The following ROR2 variants were observed in gnomAD, a reference collection of about 807,000 sequenced individuals.
The protein encoded by ROR2 is ROR family WNT receptor 2.
A neutral mutation model predicts 74.9 loss-of-function variants in ROR2; 33 were observed. That is an observed-to-expected ratio of 0.44 (90% CI 0.33 to 0.59). The LOEUF (loss-of-function observed/expected upper bound fraction) is 0.59, where lower values mean the gene tolerates loss of function less well. Among genes scored for constraint, ROR2 ranks in the 20% least tolerant of loss-of-function variants. The pLI, the probability that ROR2 is intolerant of heterozygous loss-of-function variation, is 0.02. For missense variants in ROR2, 1,216 were observed against 1,313.8 expected, an observed-to-expected ratio of 0.93 and a Z score of 1.15; for synonymous variants, 586 against 558.7, an observed-to-expected ratio of 1.05 and a Z score of -0.69.
intron 1 of ROR2, among the ~76,000 whole-genome samples, chr9:91,858,631 G>C (rs1427993899): frequency 6.6e-6 from 1 of 152,186 alleles, no homozygotes; most frequent in African/African-American, 2.4e-5. Flanking sequence ...GCAAAGTAAT[G>C]AGTTGAAAAA....
At chr9:91,834,173 G>A (rs1828548811) in intron 1 of ROR2, among the ~76,000 whole-genome samples, 1 of 152,180 alleles carries the variant, frequency 6.6e-6, no homozygotes, top group Non-Finnish European at 1.5e-5. Flanking sequence ...GCACAGCCTG[G>A]CTCAGGAAAC....
chr9:91,861,269 A>C (rs1829460644), intron 1 of ROR2, among the ~76,000 whole-genome samples: 1 of 152,222 alleles, frequency 6.6e-6, no homozygotes, highest in Non-Finnish European at 1.5e-5. Flanking sequence ...GCAGAGATTG[A>C]CCTGCTGCTT....
chr9:91,730,170 T>C (rs1322914039), intron 7 of ROR2, among the ~76,000 whole-genome samples: 1 of 152,126 alleles, frequency 6.6e-6, no homozygotes, highest in Non-Finnish European at 1.5e-5. Flanking sequence ...TTCAAGCTCC[T>C]GGGTTCAAGA....
chr9:91,867,976 C>T (rs967685646), intron 1 of ROR2, among the ~76,000 whole-genome samples: 11 of 152,268 alleles, frequency 7.2e-5, no homozygotes, highest in Middle Eastern at 3.4e-3. Context: ...TATTCAAAAT[C>T]TCCATGATGC....
chr9:91,783,083 G>A (rs1696633925), intron 1 of ROR2, among the ~76,000 whole-genome samples: 1 of 152,108 alleles, frequency 6.6e-6, no homozygotes, highest in African/African-American at 2.4e-5. Context: ...GGCAGACCAT[G>A]GCTTCTCCTT....
intron 1 of ROR2, among the ~76,000 whole-genome samples, chr9:91,826,303 A>AT (rs1266570578): frequency 6.6e-6 from 1 of 152,178 alleles, no homozygotes; most frequent in Non-Finnish European, 1.5e-5. Context: ...ATACCCAGGT[A>AT]TATCTCCACA....
intron 2 of ROR2, among the ~76,000 whole-genome samples, chr9:91,770,890 C>T (rs527794490): frequency 6.6e-6 from 1 of 152,306 alleles, no homozygotes; most frequent in East Asian, 1.9e-4. Flanking sequence ...GAAGCACACA[C>T]AATAATTCGG....
chr9:91,742,746 C>T (rs1200031217), intron 4 of ROR2, among the ~76,000 whole-genome samples: 1 of 152,152 alleles, frequency 6.6e-6, no homozygotes, highest in Non-Finnish European at 1.5e-5. Context: ...ACACAGTCTA[C>T]AGTAGTGTAC....
chr9:91,773,282 G>A lies in ROR2; in HGVS notation c.175+2459C>T, dbSNP rs113611404. Among the ~76,000 whole-genome samples, 8 of 152,294 alleles carry A rather than the reference G, an allele frequency of 5.3e-5. 2 individuals are homozygous for A. Among genetic ancestry groups the A allele is most frequent in the African/African-American group, 1.7e-4 (7 of 41,570 alleles). The stretch of plus-strand genomic sequence containing the variant: ...AATGACTCAAGTTGGATTCTCGGCC[G>A]TTAATATGGCCTGTCTGCTTCTCAT... On this transcript the variant is annotated intron_variant, in intron 2 of 8. Transcript: ENST00000375708.
At chr9:91,771,835 T>C (rs1826239260) in intron 2 of ROR2, among the ~76,000 whole-genome samples, 2 of 152,232 alleles carry the variant, frequency 1.3e-5, no homozygotes, top group Non-Finnish European at 2.9e-5. Flanking sequence ...TCGCTTTTGC[T>C]TGGCCAAAGG....
chr9:91,765,978 C>T lies in ROR2; in HGVS notation c.176-8419G>A, dbSNP rs924775873. ...AGAAGAAACTTAGTACATCCAATTCCAAGTGAAATCAGTAACTTTAGGTTT... is the reference window on the plus strand; with the variant it reads ...AGAAGAAACTTAGTACATCCAATTCTAAGTGAAATCAGTAACTTTAGGTTT... On this transcript the variant is annotated intron_variant, in intron 2 of 8. Transcript: ENST00000375708. Among the ~76,000 whole-genome samples the T allele has an allele frequency of 3.3e-5, 5 of 152,344 alleles. 1 individual carries two copies. The South Asian group carries it at 1.0e-3, about 32-fold the overall frequency.
At chr9:91,943,137 C>T (rs1158601684) in intron 1 of ROR2, among the ~76,000 whole-genome samples, 1 of 152,076 alleles carries the variant, frequency 6.6e-6, no homozygotes. Context: ...TCTGCCATGC[C>T]CCCACCACTT....
At chr9:91,910,305 C>T (rs1830942891) in intron 1 of ROR2, among the ~76,000 whole-genome samples, 1 of 152,160 alleles carries the variant, frequency 6.6e-6, no homozygotes, top group Admixed American at 6.5e-5. Flanking sequence ...GCAATCTGGC[C>T]AGACTTATCA....
chr9:91,931,592 C>T (rs369451119), intron 1 of ROR2, among the ~76,000 whole-genome samples: 1 of 152,048 alleles, frequency 6.6e-6, no homozygotes, highest in Non-Finnish European at 1.5e-5. Context: ...TCTAAGGTCC[C>T]ACTTAATAAC....
intron 1 of ROR2, among the ~76,000 whole-genome samples, chr9:91,787,694 A>G (rs1359978839): frequency 1.3e-5 from 2 of 152,196 alleles, no homozygotes; most frequent in Non-Finnish European, 2.9e-5. Flanking sequence ...CACAGCATCA[A>G]CAACAAACTT....
At chr9:91,864,070 C>T (rs1415999417) in intron 1 of ROR2, among the ~76,000 whole-genome samples, 1 of 152,140 alleles carries the variant, frequency 6.6e-6, no homozygotes, top group African/African-American at 2.4e-5. Context: ...TGCAGGCGGG[C>T]TTAGTTTGGG....
intron 1 of ROR2, among the ~76,000 whole-genome samples, chr9:91,935,962 G>A (rs1236939867): frequency 6.6e-6 from 1 of 152,166 alleles, no homozygotes; most frequent in East Asian, 1.9e-4. Context: ...CACACAGACC[G>A]CAGCCCCAGC....
intron 3 of ROR2, among the ~76,000 whole-genome samples, chr9:91,756,953 A>C (rs1458118970): frequency 6.6e-6 from 1 of 151,422 alleles, no homozygotes; most frequent in African/African-American, 2.4e-5. Context: ...TTTCTACTAA[A>C]CTGGCCAACT....
chr9:91,939,884 G>T (rs1326492889), intron 1 of ROR2, among the ~76,000 whole-genome samples: 1 of 152,190 alleles, frequency 6.6e-6, no homozygotes, highest in Non-Finnish European at 1.5e-5. Flanking sequence ...GAGGGCTCCA[G>T]AATAAACGGG....
Sources: gnomAD v4.1 joint callset for allele counts (sites outside exome capture counted in the v4.1 genomes callset) on GRCh38, gnomAD v4.1.1 for gene constraint, MANE v1.5 for transcripts, NCBI Gene and HGNC (gene_info 2026-07-23, HGNC 2026-07-21) for gene names.